Variants in SOX5 observed in about 807,000 individuals in gnomAD.
SOX5 encodes the protein transcription factor SOX-5.
A neutral mutation model predicts 92.0 loss-of-function variants in SOX5; 9 were observed. The ratio of observed to expected loss-of-function variants is 0.10; its 90% confidence interval spans 0.06 to 0.17. The LOEUF is 0.17. SOX5 is among the 10% of genes least tolerant of loss of function. The pLI, the probability that SOX5 is intolerant of heterozygous loss-of-function variation, is 1.00. For synonymous variants in SOX5, 344 were observed against 336.3 expected, an observed-to-expected ratio of 1.02 and a Z score of -0.25; for missense variants, 642 against 944.5, an observed-to-expected ratio of 0.68 and a Z score of 4.20.
intron 4 of SOX5, among the ~76,000 whole-genome samples, chr12:23,741,612 A>G (rs539346417): frequency 4.7e-4 from 72 of 152,296 alleles, no homozygotes; most frequent in African/African-American, 1.7e-3. Flanking sequence ...TCAGAATTCT[A>G]TGTTAAAAGA....
intron 11 of SOX5, among the ~76,000 whole-genome samples, chr12:23,561,903 G>A (rs1242264111): frequency 6.6e-6 from 1 of 151,844 alleles, no homozygotes; most frequent in Non-Finnish European, 1.5e-5. Context: ...ACAAATAACG[G>A]CAATTTAGCT....
chr12:23,922,380 A>G (rs539820334), intron 1 of SOX5, among the ~76,000 whole-genome samples: 2 of 152,322 alleles, frequency 1.3e-5, no homozygotes, highest in Admixed American at 6.5e-5. Context: ...TTGAAATTCA[A>G]CCCCTACACA....
chr12:23,567,867 C>T (rs1427235378), intron 10 of SOX5, among the ~76,000 whole-genome samples: 2 of 151,746 alleles, frequency 1.3e-5, no homozygotes, highest in Non-Finnish European at 2.9e-5. Flanking sequence ...TTTTCAGAGG[C>T]AGAAAAGAAG....
At chr12:24,033,281 C>G (rs1319858458) in intron 4 of SOX5, among the ~76,000 whole-genome samples, 1 of 151,824 alleles carries the variant, frequency 6.6e-6, no homozygotes, top group Non-Finnish European at 1.5e-5. Context: ...AGTTAAATAC[C>G]TAGCCAGTCT....
chr12:24,066,185 T>A (rs1569530878), intron 4 of SOX5, among the ~76,000 whole-genome samples: 1 of 152,214 alleles, frequency 6.6e-6, no homozygotes, highest in Admixed American at 6.5e-5. Flanking sequence ...TACAATCTCT[T>A]CTCTTAATTA....
At chr12:24,225,821 A>C (rs1471015458) in intron 3 of SOX5, among the ~76,000 whole-genome samples, 1 of 152,234 alleles carries the variant, frequency 6.6e-6, no homozygotes, top group Admixed American at 6.5e-5. Context: ...TCACTGACTC[A>C]AATTATAATT....
At chr12:24,218,813 AC>A (rs1450971684) in intron 3 of SOX5, among the ~76,000 whole-genome samples, 1 of 152,130 alleles carries the variant, frequency 6.6e-6, no homozygotes. Context: ...TTAATGGCAT[AC>A]CATGGCTAAA....
chr12:24,374,253 C>T (rs1027417358), intron 1 of SOX5, among the ~76,000 whole-genome samples: 1 of 151,942 alleles, frequency 6.6e-6, no homozygotes, highest in African/African-American at 2.4e-5. Context: ...GCTGACAGTC[C>T]TCTTTCATTG....
chr12:23,986,150 G>A (rs74934182), intron 4 of SOX5, among the ~76,000 whole-genome samples: 1,529 of 152,202 alleles, frequency 0.01, 32 homozygotes, highest in African/African-American at 0.035. Context: ...GGATTACAAT[G>A]TGTATATCTT....
At chr12:23,950,698 C>A (rs1378891871), upstream of SOX5, among the ~76,000 whole-genome samples, 2 of 152,158 alleles carry the variant, frequency 1.3e-5, no homozygotes, top group Non-Finnish European at 2.9e-5. Context: ...CCACAGATAA[C>A]AAGGTGGACA....
At chr12:24,341,383 TG>T (rs1952557559) in intron 2 of SOX5, among the ~76,000 whole-genome samples, 1 of 152,208 alleles carries the variant, frequency 6.6e-6, no homozygotes, top group Admixed American at 6.5e-5. Context: ...CAGGCTGAGA[TG>T]GGAGGATTGC....
At chr12:23,818,069 G>T (rs920145348) in intron 3 of SOX5, among the ~76,000 whole-genome samples, 14 of 152,156 alleles carry the variant, frequency 9.2e-5, no homozygotes, top group African/African-American at 3.4e-4. Context: ...ATAAGGTAAT[G>T]AACAAAATAA....
chr12:24,301,401 G>T (rs1947930841), intron 2 of SOX5, among the ~76,000 whole-genome samples: 1 of 152,082 alleles, frequency 6.6e-6, no homozygotes, highest in Non-Finnish European at 1.5e-5. Context: ...TTACAATGAT[G>T]AATATTCCTT....
chr12:23,864,971 C>T (rs560746070), intron 2 of SOX5, among the ~76,000 whole-genome samples: 49 of 152,292 alleles, frequency 3.2e-4, no homozygotes, highest in African/African-American at 9.6e-4. Flanking sequence ...TTGGCTTCGA[C>T]GCTTCAAACA....
chr12:24,142,107 A>G (rs1461524197), intron 4 of SOX5, among the ~76,000 whole-genome samples: 1 of 152,104 alleles, frequency 6.6e-6, no homozygotes, highest in Non-Finnish European at 1.5e-5. Flanking sequence ...TTTTTCCCAC[A>G]TTGTAAAAGG....
intron 6 of SOX5, among the ~76,000 whole-genome samples, chr12:23,715,140 A>G (rs1272692568): frequency 1.1e-4 from 17 of 152,178 alleles, no homozygotes; most frequent in Non-Finnish European, 2.4e-4. Flanking sequence ...TCTACTAAAA[A>G]TGCAAAAAAT....
chr12:23,686,520 A>G (rs1468754072), intron 6 of SOX5, among the ~76,000 whole-genome samples: 1 of 152,198 alleles, frequency 6.6e-6, no homozygotes, highest in African/African-American at 2.4e-5. Context: ...TGCCATTCAA[A>G]CTTCACAAAT....
At chr12:23,720,117 A>C (rs2092731498) in intron 6 of SOX5, among the ~76,000 whole-genome samples, 1 of 152,210 alleles carries the variant, frequency 6.6e-6, no homozygotes, top group Non-Finnish European at 1.5e-5. Context: ...AGATACAGAG[A>C]AAGTCTTGCT....
rs537150342 is a variant in SOX5, at chr12:24,302,423, G to A, written c.-173-25111C>T. On this transcript the variant is annotated intron_variant, in intron 2 of 4. Coordinates refer to the SOX5 transcript ENST00000446891. ...ATACAAGTACTTTTCACTATAATTC[G>A]TTCTAGGGACACTTTGTAAGTAAGA... Among the ~76,000 whole-genome samples the A allele has an allele frequency of 1.4e-4, 22 of 152,204 alleles. No individual in the cohort carries two copies. The East Asian group carries it at 2.5e-3, about 17-fold the overall frequency.
Sources: gnomAD v4.1 joint callset for allele counts (sites outside exome capture counted in the v4.1 genomes callset) on GRCh38, gnomAD v4.1.1 for gene constraint, MANE v1.5 for transcripts, NCBI Gene and HGNC (gene_info 2026-07-23, HGNC 2026-07-21) for gene names.